Variants in SLC25A21 observed in about 807,000 individuals in gnomAD.
SLC25A21 encodes the protein mitochondrial 2-oxodicarboxylate carrier.
In SLC25A21, 47 loss-of-function variants were observed where a neutral mutation model predicts 43.8. The observed-to-expected ratio is 1.07, with a 90% CI of 0.85 to 1.37. The LOEUF is 1.37. Ranked by LOEUF, SLC25A21 falls within the 40% of genes most tolerant of loss-of-function variation. The pLI is 0.00. For missense variants in SLC25A21, 352 were observed against 350.2 expected (o/e 1.00, Z -0.04); for synonymous variants, 131 against 121.3 (o/e 1.08, Z -0.52).
chr14:37,069,299 C>T (rs1453458778), intron 1 of SLC25A21, among the ~76,000 whole-genome samples: 4 of 152,164 alleles, frequency 2.6e-5, no homozygotes, highest in Admixed American at 6.5e-5. Context: ...CCCATCTGCA[C>T]CCACCATCTC....
chr14:36,716,913 A>G (rs1453972812), intron 6 of SLC25A21, among the ~76,000 whole-genome samples: 1 of 152,208 alleles, frequency 6.6e-6, no homozygotes, highest in Non-Finnish European at 1.5e-5. Flanking sequence ...CACGCTCCAC[A>G]TGCATTCCTA....
At chr14:37,009,917 G>A (rs1045601864) in intron 1 of SLC25A21, among the ~76,000 whole-genome samples, 6 of 152,132 alleles carry the variant, frequency 3.9e-5, no homozygotes, top group South Asian at 2.1e-4. Context: ...AAATTTTGAC[G>A]TAAGTGTGAA....
chr14:36,861,103 C>T (rs1890053610), intron 2 of SLC25A21, among the ~76,000 whole-genome samples: 1 of 152,132 alleles, frequency 6.6e-6, no homozygotes, highest in African/African-American at 2.4e-5. Flanking sequence ...CAGCTGTGCC[C>T]TGACTGCAAA....
chr14:37,024,397 T>C (rs1296612257), intron 1 of SLC25A21, among the ~76,000 whole-genome samples: 2 of 152,038 alleles, frequency 1.3e-5, no homozygotes, highest in Non-Finnish European at 2.9e-5. Flanking sequence ...ATGAAAGCCC[T>C]GATTGGACCC....
At chr14:37,005,637 T>C (rs943548389) in intron 1 of SLC25A21, among the ~76,000 whole-genome samples, 1 of 152,132 alleles carries the variant, frequency 6.6e-6, no homozygotes, top group African/African-American at 2.4e-5. Context: ...CATCTTGCAA[T>C]TTACATTCCC....
intron 2 of SLC25A21, among the ~76,000 whole-genome samples, chr14:36,836,940 A>C (rs1171854834): frequency 6.6e-6 from 1 of 152,202 alleles, no homozygotes; most frequent in Non-Finnish European, 1.5e-5. Flanking sequence ...GAGTAGGATT[A>C]GGAGGGACTC....
intron 7 of SLC25A21, among the ~76,000 whole-genome samples, chr14:36,691,560 G>A (rs1177223606): frequency 2.0e-5 from 3 of 152,140 alleles, no homozygotes; most frequent in Non-Finnish European, 4.4e-5. Flanking sequence ...GCAAGCAACT[G>A]TTAACTACTC....
At chr14:37,119,737 G>A (rs964336484) in intron 1 of SLC25A21, among the ~76,000 whole-genome samples, 2 of 152,120 alleles carry the variant, frequency 1.3e-5, no homozygotes, top group African/African-American at 4.8e-5. Flanking sequence ...TGAGGTCCAA[G>A]AACCGTCTCT....
At chr14:37,046,718 C>T (rs1961594615) in intron 1 of SLC25A21, among the ~76,000 whole-genome samples, 2 of 152,164 alleles carry the variant, frequency 1.3e-5, no homozygotes, top group Admixed American at 1.3e-4. Context: ...TATACACATT[C>T]ATGATTGTGC....
intron 3 of SLC25A21, among the ~76,000 whole-genome samples, chr14:36,810,317 A>G (rs1192397239): frequency 1.3e-5 from 2 of 152,198 alleles, no homozygotes; most frequent in Non-Finnish European, 2.9e-5. Context: ...AATTCTTCCC[A>G]AAACACACAT....
At position 36,872,908 on chromosome 14, in the gene SLC25A21, T is replaced by C. The variant is rs561066743; in HGVS notation, c.119+2048A>G. On this transcript the variant is annotated intron_variant, in intron 2 of 9. Coordinates refer to ENST00000331299, the MANE Select transcript of SLC25A21 (RefSeq NM_030631.4). Reference sequence around the variant, plus strand: ...AGATCTCAATTAGCTAATCAGACTGTGAGCTCTCTGAGGGCAGAGCTATCC... The same window carrying C: ...AGATCTCAATTAGCTAATCAGACTGCGAGCTCTCTGAGGGCAGAGCTATCC... Among the ~76,000 whole-genome samples the C allele has an allele frequency of 3.3e-5, 5 of 152,324 alleles. No homozygotes were observed. The South Asian group carries it at 1.0e-3, about 32-fold the overall frequency.
chr14:36,967,943 G>C (rs1449028534), intron 1 of SLC25A21, among the ~76,000 whole-genome samples: 11 of 152,170 alleles, frequency 7.2e-5, no homozygotes, highest in Admixed American at 5.2e-4. Flanking sequence ...GTGCCACAAA[G>C]GAAGGACACC....
chr14:36,834,513 T>C (rs7150506), intron 2 of SLC25A21, among the ~76,000 whole-genome samples: 14,672 of 152,198 alleles, frequency 0.096, 1,035 homozygotes, highest in East Asian at 0.31. Flanking sequence ...ATAAAATACT[T>C]GGTACCTTGG....
intron 3 of SLC25A21, among the ~76,000 whole-genome samples, chr14:36,753,182 C>T (rs950311321): frequency 6.6e-6 from 1 of 151,942 alleles, no homozygotes; most frequent in African/African-American, 2.4e-5. Context: ...TTATTGAATG[C>T]CACTGAAGTG....
At chr14:36,822,713 A>G (rs959026451) in intron 2 of SLC25A21, among the ~76,000 whole-genome samples, 1 of 152,220 alleles carries the variant, frequency 6.6e-6, no homozygotes, top group Non-Finnish European at 1.5e-5. Context: ...CAAAAATACT[A>G]TCTCTCTGAA....
At chr14:37,141,406 C>A (rs925551366) in intron 1 of SLC25A21, among the ~76,000 whole-genome samples, 1 of 152,052 alleles carries the variant, frequency 6.6e-6, no homozygotes, top group African/African-American at 2.4e-5. Flanking sequence ...GTCAAACAAC[C>A]ACAGACATGA....
chr14:36,806,248 A>G (rs1054158585), intron 3 of SLC25A21, among the ~76,000 whole-genome samples: 6 of 152,166 alleles, frequency 3.9e-5, no homozygotes, highest in Admixed American at 3.9e-4. Flanking sequence ...ATTTTTAAAA[A>G]AAGAGGTGGG....
chr14:36,789,975 A>G, intron 3 of SLC25A21, among the ~76,000 whole-genome samples: 1 of 131,682 alleles, frequency 7.6e-6, no homozygotes, highest in Non-Finnish European at 1.6e-5. Context: ...TGTATATATT[A>G]AAAATATATA....
intron 1 of SLC25A21, among the ~76,000 whole-genome samples, chr14:37,094,779 C>T (rs1312874647): frequency 1.3e-5 from 2 of 150,124 alleles, no homozygotes; most frequent in Non-Finnish European, 2.9e-5. Context: ...TCGCCAGTAG[C>T]AGCTGGCTGA....
Sources: allele counts gnomAD v4.1 joint callset (sites outside exome capture counted in the v4.1 genomes callset), GRCh38; gene constraint gnomAD v4.1.1; transcripts MANE v1.5; gene names NCBI Gene and HGNC (gene_info 2026-07-23, HGNC 2026-07-21).